The following SLC24A4 variants were observed in gnomAD, a reference collection of about 807,000 sequenced individuals.
SLC24A4 encodes sodium/potassium/calcium exchanger 4.
Under a neutral mutation model 79.0 loss-of-function variants are expected in SLC24A4, and 53 were observed. The observed-to-expected ratio is 0.67, with a 90% CI of 0.54 to 0.84. The LOEUF (loss-of-function observed/expected upper bound fraction) is 0.84. Ranked by LOEUF, SLC24A4 falls within the 40% of genes least tolerant of loss-of-function variation. The pLI is 0.00. For synonymous variants in SLC24A4, 323 were observed against 323.8 expected (o/e 1.00, Z 0.03); for missense variants, 731 against 822.0 (o/e 0.89, Z 1.35).
At chr14:92,384,427 AT>A (rs1171821897) in intron 2 of SLC24A4, among the ~76,000 whole-genome samples, 8 of 147,814 alleles carry the variant, frequency 5.4e-5, no homozygotes, top group African/African-American at 1.8e-4. Context: ...ATCAATTCTG[AT>A]TTCTAGAAAC....
intron 7 of SLC24A4, among the ~76,000 whole-genome samples, chr14:92,444,008 G>A (rs116073715): frequency 0.013 from 1,916 of 151,958 alleles, 40 homozygotes; most frequent in African/African-American, 0.044. Context: ...GATACCTGCC[G>A]TGTATGCCGT....
At chr14:92,422,495 A>T (rs1404478258) in intron 2 of SLC24A4, among the ~76,000 whole-genome samples, 1 of 152,234 alleles carries the variant, frequency 6.6e-6, no homozygotes, top group Non-Finnish European at 1.5e-5. Flanking sequence ...ACCTTGGGCA[A>T]ATTACTTAAC....
chr14:92,340,436 C>A (rs147784347), intron 2 of SLC24A4, among the ~76,000 whole-genome samples: 1 of 152,208 alleles, frequency 6.6e-6, no homozygotes, highest in Non-Finnish European at 1.5e-5. Context: ...GAGGGTGGGA[C>A]GTTGCTGGCA....
At chr14:92,442,585 C>T in intron 5 of SLC24A4, 128 bp from the exon 6 acceptor site, 1 of 652,534 alleles carries the variant, frequency 1.5e-6, no homozygotes, top group Non-Finnish European at 2.7e-6. Context: ...TTCTGCCATT[C>T]TCTTCCGCTT....
At chr14:92,454,178 A>T in intron 11 of SLC24A4, 109 bp downstream of exon 11, 5 of 1,216,084 alleles carry the variant, frequency 4.1e-6, no homozygotes, top group Non-Finnish European at 5.7e-6. Flanking sequence ...TTAAGGAAGG[A>T]TGCCCTGGGG....
At chr14:92,396,342 C>G (rs1358701835) in intron 2 of SLC24A4, among the ~76,000 whole-genome samples, 1 of 152,176 alleles carries the variant, frequency 6.6e-6, no homozygotes, top group East Asian at 1.9e-4. Context: ...GCCCCTACTC[C>G]CTTCAATTTG....
At chr14:92,329,272 C>G (rs899574113) in intron 2 of SLC24A4, among the ~76,000 whole-genome samples, 5 of 152,244 alleles carry the variant, frequency 3.3e-5, no homozygotes, top group Admixed American at 6.5e-5. Context: ...TCCTTAAGAA[C>G]CTCCGGTGTG....
At chr14:92,331,006 T>A (rs1259902153) in intron 2 of SLC24A4, among the ~76,000 whole-genome samples, 2 of 152,192 alleles carry the variant, frequency 1.3e-5, no homozygotes, top group African/African-American at 2.4e-5. Flanking sequence ...CCTTGGCCTG[T>A]AAATGAGAGA....
At chr14:92,430,025 C>A (rs1891777040) in intron 2 of SLC24A4, among the ~76,000 whole-genome samples, 1 of 152,236 alleles carries the variant, frequency 6.6e-6, no homozygotes, top group Admixed American at 6.5e-5. Flanking sequence ...ACAGACCAGG[C>A]ACGTCCGTGA....
At chr14:92,458,039 A>G (rs1209415240) in intron 12 of SLC24A4, among the ~76,000 whole-genome samples, 18 of 152,166 alleles carry the variant, frequency 1.2e-4, no homozygotes, top group Admixed American at 1.2e-3. Context: ...TTTCTGGGTT[A>G]GAGAGATTCT....
chr14:92,489,973 C>T (rs973212074), intron 14 of SLC24A4, among the ~76,000 whole-genome samples: 5 of 152,192 alleles, frequency 3.3e-5, no homozygotes, highest in Non-Finnish European at 7.3e-5. Flanking sequence ...CCACTCCTAA[C>T]AGGACTAAGC....
intron 2 of SLC24A4, among the ~76,000 whole-genome samples, chr14:92,345,258 T>C (rs1167711025): frequency 6.6e-6 from 1 of 152,206 alleles, no homozygotes; most frequent in East Asian, 1.9e-4. Flanking sequence ...AGTTGGACTG[T>C]GGAGCCTGAA....
chr14:92,452,773 G>GTT (rs1893219547), intron 10 of SLC24A4: 1 of 152,304 alleles, frequency 6.6e-6, no homozygotes, highest in Admixed American at 6.5e-5. Flanking sequence ...ACAAATGCAT[G>GTT]TTCTCCTGGC....
chr14:92,485,176 C>T (rs1895282629), intron 13 of SLC24A4, among the ~76,000 whole-genome samples: 1 of 152,086 alleles, frequency 6.6e-6, no homozygotes, highest in Admixed American at 6.6e-5. Context: ...ATCTAAACTC[C>T]CTAGAGACTG....
At chr14:92,489,093 C>T (rs1012817820) in intron 14 of SLC24A4, among the ~76,000 whole-genome samples, 10 of 152,022 alleles carry the variant, frequency 6.6e-5, no homozygotes, top group Non-Finnish European at 1.3e-4. Context: ...GCGTAATAGT[C>T]CTCAGGGTAA....
Position 92,491,673 on chromosome 14 carries a change from GA to G in SLC24A4, c.1547del (p.Asp516AlafsTer8), listed in dbSNP as rs1895677103. On this transcript the variant is annotated frameshift_variant, in exon 15 of 17. Coordinates refer to ENST00000532405, the MANE Select transcript of SLC24A4 (RefSeq NM_153646.4). LOFTEE classifies it high-confidence loss of function. ...SLIVARQGLG[D>X]MAVSNTIGSN... is the part of the protein sequence containing the mutation. Reference sequence around the variant, plus strand: ...GTTGTTGTCCCCTGCAGGCCTTGGGGACATGGCAGTCTCCAACACCATAGGA... The same window carrying G: ...GTTGTTGTCCCCTGCAGGCCTTGGGGCATGGCAGTCTCCAACACCATAGGA... The G allele has an allele frequency of 6.2e-7, 1 of 1,612,956 alleles. No individual in the cohort carries two copies. Among genetic ancestry groups the G allele is most frequent in the African/African-American group, 1.3e-5 (1 of 74,900 alleles).
chr14:92,345,100 A>G (rs1228512746), intron 2 of SLC24A4, among the ~76,000 whole-genome samples: 1 of 152,134 alleles, frequency 6.6e-6, no homozygotes, highest in African/African-American at 2.4e-5. Flanking sequence ...TTTGTGCCCT[A>G]ATGCAAAATT....
rs144819876 is a variant in SLC24A4 at position 92,344,616 on chromosome 14, T to G, written c.241+18638T>G. On this transcript the variant is annotated intron_variant, in intron 2 of 16. Coordinates refer to ENST00000532405, the MANE Select transcript of SLC24A4 (RefSeq NM_153646.4). ...ATGACTCCAATCTTAGGACCGAGAATGGAACTAGTCCTGGGGAGGTGTTTG... is the reference window on the plus strand; with the variant it reads ...ATGACTCCAATCTTAGGACCGAGAAGGGAACTAGTCCTGGGGAGGTGTTTG... 3.8e-3 allele frequency among the ~76,000 whole-genome samples: 584 copies of G among 152,268 alleles called. 8 individuals are homozygous for G. The highest frequency in any genetic ancestry group is 0.013 in the African/African-American group (524 of 41,552).
chr14:92,479,402 G>A (rs1015542163), intron 12 of SLC24A4, among the ~76,000 whole-genome samples: 14 of 152,192 alleles, frequency 9.2e-5, no homozygotes, highest in Non-Finnish European at 1.2e-4. Flanking sequence ...TTTGTTGAGT[G>A]TTTCCATCAA....
Sources: gnomAD v4.1 joint callset for allele counts (sites outside exome capture counted in the v4.1 genomes callset) on GRCh38, gnomAD v4.1.1 for gene constraint, MANE v1.5 for transcripts, NCBI Gene and HGNC (gene_info 2026-07-23, HGNC 2026-07-21) for gene names.